Variants in RBBP8 observed in about 807,000 individuals in gnomAD.
The protein encoded by RBBP8 is RB binding protein 8, endonuclease.
In RBBP8, 88 loss-of-function variants were observed where a neutral mutation model predicts 108.3. The observed-to-expected ratio is 0.81, with a 90% confidence interval of 0.68 to 0.97. RBBP8 has a LOEUF of 0.97. Ranked by LOEUF, RBBP8 falls within the 50% of genes least tolerant of loss-of-function variation. RBBP8 has a pLI of 0.00. For synonymous variants in RBBP8, 332 were observed against 348.2 expected (o/e 0.95, Z 0.52); for missense variants, 1,023 against 1,049.0 (o/e 0.98, Z 0.34).
At chr18:23,021,604 T>TA (rs1276554174) in intron 17 of RBBP8, among the ~76,000 whole-genome samples, 1 of 152,214 alleles carries the variant, frequency 6.6e-6, no homozygotes, top group East Asian at 1.9e-4. Context: ...ACTGAAATCT[T>TA]AAAGGGAGAA....
At chr18:23,018,479 C>T (rs2144830032) in intron 17 of RBBP8, among the ~76,000 whole-genome samples, 1 of 152,314 alleles carries the variant, frequency 6.6e-6, no homozygotes, top group East Asian at 1.9e-4. Flanking sequence ...CTGTGGGAAA[C>T]TGGCTTCAGG....
At chr18:22,950,696 T>G (rs1911960598) in intron 4 of RBBP8, among the ~76,000 whole-genome samples, 1 of 152,148 alleles carries the variant, frequency 6.6e-6, no homozygotes, top group African/African-American at 2.4e-5. Flanking sequence ...GGCAAGAAGA[T>G]GATTGCTTGA....
intron 5 of RBBP8, 136 bp downstream of exon 5, chr18:22,969,054 T>C: frequency 1.5e-6 from 1 of 667,402 alleles, no homozygotes. Flanking sequence ...ATGTCCTTTT[T>C]TGTACTTTTT....
intron 18 of RBBP8, among the ~76,000 whole-genome samples, chr18:23,024,919 C>T (rs369359480): frequency 2.4e-4 from 37 of 152,078 alleles, no homozygotes; most frequent in African/African-American, 7.7e-4. Context: ...AAAATTATAC[C>T]ACCTAGAATT....
intron 1 of RBBP8, among the ~76,000 whole-genome samples, chr18:22,936,108 A>T (rs1393958637): frequency 1.3e-5 from 2 of 149,470 alleles, no homozygotes; most frequent in Admixed American, 6.7e-5. Context: ...AAAAAAACCA[A>T]TTTTTTTTTT....
chr18:22,924,390 G>A (rs1414940942), intron 3 of RBBP8, among the ~76,000 whole-genome samples: 2 of 152,036 alleles, frequency 1.3e-5, no homozygotes, highest in Non-Finnish European at 2.9e-5. Context: ...GCCTCCCAAA[G>A]TGCTGGGATT....
chr18:23,002,803 A>G (rs1391215798), intron 15 of RBBP8, among the ~76,000 whole-genome samples: 1 of 152,184 alleles, frequency 6.6e-6, no homozygotes, highest in Non-Finnish European at 1.5e-5. Flanking sequence ...CTCAAAAGTG[A>G]GTGAGACCCA....
At position 22,989,250 on chromosome 18, in the gene RBBP8, G is replaced by T; in HGVS notation, c.739G>T (p.Asp247Tyr). Residue 247 changes from aspartate (D) to tyrosine (Y), a missense_variant, in exon 9 of 19, where the codon GAT (aspartate) becomes TAT (tyrosine). Asp to Tyr is a radical substitution (Grantham distance 160). Coordinates refer to ENST00000327155, the MANE Select transcript of RBBP8 (RefSeq NM_002894.3). ...ACATGGAACAAGCAGCTATACCCCT[G>T]ATAAGTCATCTTTTAATTTAGCTAC... ...KAHGTSSYTP[D>Y]KSSFNLATVV... 6.2e-7 allele frequency: 1 copy of T among 1,610,474 alleles called. No homozygotes were observed. The highest frequency in any genetic ancestry group is 1.1e-5 in the South Asian group (1 of 90,932).
intron 2 of RBBP8, among the ~76,000 whole-genome samples, chr18:22,942,165 A>T (rs771518848): frequency 6.6e-6 from 1 of 152,096 alleles, no homozygotes; most frequent in Non-Finnish European, 1.5e-5. Flanking sequence ...GTTTTAAGGT[A>T]TATATAGGAA....
In RBBP8 at chr18:22,989,237, C is replaced by T. The variant is rs749719024; in HGVS notation, c.726C>T (p.Ser242=). ...QSPMAKAHGT[S]SYTPDKSSFN... The stretch of plus-strand genomic sequence containing the variant: ...TATTCTTAGAAGCACATGGAACAAG[C>T]AGCTATACCCCTGATAAGTCATCTT... Residue 242 remains serine, a synonymous_variant, in exon 9 of 19, where the codon AGC becomes AGT. Transcript: ENST00000327155. 8.1e-6 allele frequency: 13 copies of T among 1,607,696 alleles called. No homozygotes were observed. The highest frequency in any genetic ancestry group is 1.7e-5 in the Admixed American group (1 of 59,970).
At chr18:22,932,841 AG>A (rs1360766783), upstream of RBBP8, among the ~76,000 whole-genome samples, 1 of 152,250 alleles carries the variant, frequency 6.6e-6, no homozygotes, top group Non-Finnish European at 1.5e-5. Flanking sequence ...CAAATTTGCC[AG>A]AAACTTCCCG....
chr18:22,956,258 AAACT>A (rs1442863894), intron 4 of RBBP8, among the ~76,000 whole-genome samples: 1 of 152,154 alleles, frequency 6.6e-6, no homozygotes, highest in African/African-American at 2.4e-5. Context: ...AAATCTGTAC[AAACT>A]AACATTTTGC....
intron 5 of RBBP8, 34 bp from the exon 6 acceptor site, chr18:22,975,119 T>C: frequency 6.3e-7 from 1 of 1,579,322 alleles, no homozygotes; most frequent in Non-Finnish European, 8.6e-7. Context: ...AATATAAATA[T>C]ATTATTTGCC....
upstream of RBBP8, among the ~76,000 whole-genome samples, chr18:22,932,537 T>G (rs769477535): frequency 6.6e-6 from 1 of 152,202 alleles, no homozygotes; most frequent in Non-Finnish European, 1.5e-5. Flanking sequence ...GTATTTATGA[T>G]TTCTAAGTAC....
chr18:22,926,478 G>A (rs1385048887), intron 3 of RBBP8, among the ~76,000 whole-genome samples: 1 of 151,952 alleles, frequency 6.6e-6, no homozygotes, highest in African/African-American at 2.4e-5. Flanking sequence ...GATCAACAAC[G>A]TTCTTCATCA....
chr18:22,990,868 G>A, intron 9 of RBBP8, 69 bp from the exon 10 acceptor site: 1 of 1,166,614 alleles, frequency 8.6e-7, no homozygotes, highest in South Asian at 1.3e-5. Flanking sequence ...ACATATATCA[G>A]TACTTCATCC....
Position 22,946,500 on chromosome 18 carries a change from T to C in RBBP8, c.152+14T>C, listed in dbSNP as rs368532830. On this transcript the variant is annotated intron_variant, in intron 3 of 18. Transcript: ENST00000327155. ...GGAACGAATCTTGTAAGTATCAGTA[T>C]GTAATACTCATGTGTTATTTATAGA... The C allele has an allele frequency of 5.6e-6, 9 of 1,612,174 alleles. No individual in the cohort carries two copies. The highest frequency in any genetic ancestry group is 1.7e-4 in the Middle Eastern group (1 of 5,872).
intron 3 of RBBP8, among the ~76,000 whole-genome samples, chr18:22,922,371 A>T (rs535472785): frequency 3.3e-5 from 5 of 152,220 alleles, no homozygotes; most frequent in Non-Finnish European, 5.9e-5. Flanking sequence ...CTGAATAAAG[A>T]TGAAATAGGA....
At chr18:22,924,359 C>T (rs1419689759) in intron 3 of RBBP8, among the ~76,000 whole-genome samples, 1 of 152,058 alleles carries the variant, frequency 6.6e-6, no homozygotes, top group Non-Finnish European at 1.5e-5. Context: ...GATCTCTTGA[C>T]CTCATGATCT....
Sources: gnomAD v4.1 joint callset for allele counts (sites outside exome capture counted in the v4.1 genomes callset) on GRCh38, gnomAD v4.1.1 for gene constraint, MANE v1.5 for transcripts, NCBI Gene and HGNC (gene_info 2026-07-23, HGNC 2026-07-21) for gene names.